The following PPRC1 variants were observed in gnomAD, a reference collection of about 807,000 sequenced individuals.
PPRC1 encodes PPARG related coactivator 1, also known as peroxisome proliferator-activated receptor gamma coactivator-related protein 1.
Under a neutral mutation model 132.5 loss-of-function variants are expected in PPRC1, and 23 were observed. The ratio of observed to expected loss-of-function variants is 0.17; its 90% CI spans 0.12 to 0.25. PPRC1 has a LOEUF of 0.25. PPRC1 is among the 10% of genes least tolerant of loss of function. The probability of loss-of-function intolerance (pLI) is 1.00; values close to 1 mark genes in which losing one functional copy is unlikely to be tolerated. For missense variants in PPRC1, 2,006 were observed against 2,089.1 expected, an observed-to-expected ratio of 0.96 and a Z score of 0.78; for synonymous variants, 872 against 833.5, an observed-to-expected ratio of 1.05 and a Z score of -0.80.
Position 102,140,970 on chromosome 10 carries a change from C to G in PPRC1, c.2462C>G (p.Pro821Arg), listed in dbSNP as rs907881396. 3.3e-5 allele frequency: 54 copies of G among 1,614,052 alleles called. No homozygotes were observed. Among genetic ancestry groups the G allele is most frequent in the Non-Finnish European group, 4.4e-5 (52 of 1,180,016 alleles). Residue 821 changes from proline (P) to arginine (R), a missense_variant, in exon 5 of 14, where the codon CCT becomes CGT. Physicochemically the swap from Pro to Arg is moderately radical, Grantham distance 103 (BLOSUM62 -2). Coordinates refer to ENST00000278070, the MANE Select transcript of PPRC1 (RefSeq NM_015062.5). ...ACACCCCTTGAGATTTGCCTTGTGC[C>G]TGTAGGTCCCAGCCCTGCTTCTCCT... ...PETPLEICLV[P>R]VGPSPASPSP... is the part of the protein sequence containing the mutation.
At position 102,140,691 on chromosome 10, in the gene PPRC1, A is replaced by T. The variant is rs2068929824; in HGVS notation, c.2183A>T (p.Glu728Val). 1 of 1,613,990 alleles carries T rather than the reference A, an allele frequency of 6.2e-7. No individual in the cohort carries two copies. Among genetic ancestry groups the T allele is most frequent in the Non-Finnish European group, 8.5e-7 (1 of 1,180,030 alleles). The change falls in exon 5 of 14, where the codon GAG (glutamate) becomes GTG (valine). Residue 728 changes from glutamate to valine, a missense_variant. Glu to Val is a moderately radical substitution (Grantham distance 121). This residue lies in a region of PPRC1 where 1,914 missense variants were observed against 1,917.2 expected (regional missense o/e 1.00). Coordinates refer to ENST00000278070, the MANE Select transcript of PPRC1 (RefSeq NM_015062.5). Reference sequence around the variant, plus strand: ...AAGACCATCATCCCTGAAGTCAAAGAGGTTGTGGATTCTCTGAAAATTGAA... The same window carrying T: ...AAGACCATCATCCCTGAAGTCAAAGTGGTTGTGGATTCTCTGAAAATTGAA... ...PPKTIIPEVK[E>V]VVDSLKIESG...
Position 102,148,420 on chromosome 10 carries a change from T to TTCGTCATCATCTTCCTCTTCG in PPRC1, c.4452_4472dup (p.Ser1493_Ser1499dup). On this transcript the variant is annotated inframe_insertion, in exon 10 of 14. Coordinates refer to ENST00000278070, the MANE Select transcript of PPRC1 (RefSeq NM_015062.5). This position sits in a 1 kb window ranked among gnomAD's most constrained non-coding sequence, Gnocchi z 4.2. ...GTTCTCGAAGATGCTCTTCCTCTTC[T>TTCGTCATCATCTTCCTCTTCG]TCGTCATCATCTTCCTCTTCGTCTT... 1 of 1,612,452 alleles carries TTCGTCATCATCTTCCTCTTCG rather than the reference T, an allele frequency of 6.2e-7. No homozygotes were observed.
At chr10:102,130,753 CAAAA>C (rs992605453), upstream of PPRC1, among the ~76,000 whole-genome samples, 29 of 151,680 alleles carry the variant, frequency 1.9e-4, no homozygotes, top group African/African-American at 7.0e-4. Flanking sequence ...AAAAACAAAA[CAAAA>C]GAAACAACTA....
the PPRC1 span, chr10:102,120,359 C>CGGAGTGTGTGTCCGT: frequency 1.0e-6 from 1 of 984,384 alleles, no homozygotes. Flanking sequence ...TGTGAGTCCG[C>CGGAGTGTGTGTCCGT]GGAGTGTGTG....
chr10:102,143,004 A>G (rs765338672), intron 5 of PPRC1, 41 bp from the exon 6 acceptor site: 18 of 1,570,142 alleles, frequency 1.1e-5, no homozygotes, highest in Non-Finnish European at 1.6e-5. Context: ...TACTAAGTTG[A>G]TAGGGGCTCG....
At chr10:102,121,781 G>A in the PPRC1 span, among the ~76,000 whole-genome samples, 2 of 152,170 alleles carry the variant, frequency 1.3e-5, no homozygotes, top group African/African-American at 4.8e-5. Context: ...CTGGGTAGGG[G>A]GTTCTCCTCT....
chr10:102,141,319 G>C lies in PPRC1; in HGVS notation c.2811G>C (p.Leu937=), dbSNP rs944506469. ...PHVSPSGYPC[L]PPPPTVPLVS... Reference sequence around the variant, plus strand: ...TGTCCCCTTCTGGCTATCCTTGCCTGCCCCCCCCACCAACGGTGCCCCTAG... The same window carrying C: ...TGTCCCCTTCTGGCTATCCTTGCCTCCCCCCCCCACCAACGGTGCCCCTAG... The change falls in exon 5 of 14, where the codon CTG becomes CTC. Residue 937 remains leucine, a synonymous_variant. Coordinates refer to ENST00000278070, the MANE Select transcript of PPRC1 (RefSeq NM_015062.5). 5.0e-6 allele frequency: 8 copies of C among 1,612,426 alleles called. No homozygotes were observed. Among genetic ancestry groups the C allele is most frequent in the Non-Finnish European group, 5.1e-6 (6 of 1,179,172 alleles).
chr10:102,145,495 C>T (rs2069183292), intron 8 of PPRC1, among the ~76,000 whole-genome samples: 1 of 150,772 alleles, frequency 6.6e-6, no homozygotes, highest in South Asian at 2.1e-4. Flanking sequence ...TGCTAAAATC[C>T]AGGAGGTGGA....
At chr10:102,124,514 C>T in the PPRC1 span, among the ~76,000 whole-genome samples, 24 of 151,814 alleles carry the variant, frequency 1.6e-4, no homozygotes, top group Non-Finnish European at 3.2e-4. Flanking sequence ...CAGGCGCGCA[C>T]CACCACACTT....
At chr10:102,136,003 G>T (rs1009701667) in intron 1 of PPRC1, among the ~76,000 whole-genome samples, 6 of 152,188 alleles carry the variant, frequency 3.9e-5, no homozygotes, top group African/African-American at 1.4e-4. Context: ...TGGAGGTGAA[G>T]ATGAGTGGTT....
rs923720598 is a variant in PPRC1, at chr10:102,140,389, T to A, written c.1881T>A (p.Ala627=). The change falls in exon 5 of 14, where the codon GCT becomes GCA. Residue 627 remains alanine (A), a synonymous_variant. Transcript: ENST00000278070. The part of the protein sequence containing the change: ...TSSELVEPLP[A]EPVLINPVLA... ...CAGAACTGGTTGAGCCTCTCCCGGC[T>A]GAGCCAGTGCTGATCAACCCAGTCC... is the stretch of plus-strand genomic sequence containing the variant. The A allele has an allele frequency of 6.2e-7, 1 of 1,614,110 alleles. No individual in the cohort carries two copies. The highest frequency in any genetic ancestry group is 8.5e-7 in the Non-Finnish European group (1 of 1,180,046).
Position 102,141,362 on chromosome 10 carries a change from G to C in PPRC1, c.2854G>C (p.Ala952Pro). ...GCCCCTAGTGTCTGGTACTCCTGGTGCCTATGCCGTGCCTCCCACTTGCAG... is the reference window on the plus strand; with the variant it reads ...GCCCCTAGTGTCTGGTACTCCTGGTCCCTATGCCGTGCCTCCCACTTGCAG... Reference protein sequence around the residue: ...TVPLVSGTPGAYAVPPTCSVP... With the variant: ...TVPLVSGTPGPYAVPPTCSVP... The change falls in exon 5 of 14, where the codon GCC becomes CCC. Residue 952 changes from alanine to proline, a missense_variant. Ala to Pro is a conservative substitution (Grantham distance 27, BLOSUM62 -1). Coordinates refer to ENST00000278070, the MANE Select transcript of PPRC1 (RefSeq NM_015062.5). 6.2e-7 allele frequency: 1 copy of C among 1,613,994 alleles called. No individual in the cohort carries two copies. The highest frequency in any genetic ancestry group is 8.5e-7 in the Non-Finnish European group (1 of 1,180,000).
chr10:102,137,397 G>GGT (rs2068766283), intron 1 of PPRC1, among the ~76,000 whole-genome samples: 1 of 152,090 alleles, frequency 6.6e-6, no homozygotes, highest in African/African-American at 2.4e-5. Flanking sequence ...GGGAAGCTGG[G>GGT]GTGTCTTCTT....
rs769795134 is a variant in PPRC1 at position 102,148,648 on chromosome 10, A to C, written c.4571A>C (p.His1524Pro). The C allele has an allele frequency of 6.2e-7, 1 of 1,614,160 alleles. No individual in the cohort carries two copies. The highest frequency in any genetic ancestry group is 8.5e-7 in the Non-Finnish European group (1 of 1,180,032). The stretch of plus-strand genomic sequence containing the variant: ...GTCAGGTACAGCTCTTATCGTTCAC[A>C]TGACCATTACCAAAGGCAAAGAGTG... ...RRRRYSSYRS[H>P]DHYQRQRVLQ... is the part of the protein sequence containing the mutation. Residue 1524 changes from histidine to proline, a missense_variant, in exon 11 of 14, where the codon CAT (histidine) becomes CCT (proline). Coordinates refer to ENST00000278070, the MANE Select transcript of PPRC1 (RefSeq NM_015062.5). The surrounding 1 kb of genome is among the most constrained non-coding windows in gnomAD (Gnocchi z 4.2).
intron 1 of PPRC1, among the ~76,000 whole-genome samples, chr10:102,134,786 G>GGT (rs924793167): frequency 6.6e-6 from 1 of 151,288 alleles, no homozygotes; most frequent in African/African-American, 2.4e-5. Flanking sequence ...ACCTCCATCA[G>GGT]GTGTCCAGTC....
At chr10:102,127,019 T>TTTTATATATATA in the PPRC1 span, among the ~76,000 whole-genome samples, 92 of 78,868 alleles carry the variant, frequency 1.2e-3, 5 homozygotes, top group African/African-American at 3.0e-3. Context: ...TGGTTTTTTA[T>TTTTATATATATA]CATATATATA....
chr10:102,139,711 T>C lies in PPRC1; in HGVS notation c.1203T>C (p.Ala401=). ...CACTGGAGTCAGAGACAGAGGCTGC[T>C]GTGCCCAAGGTAACCCTCTGCTCTG... ...MPTLESETEA[A]VPKVTLCSEK... The change falls in exon 5 of 14, where the codon GCT becomes GCC. Residue 401 remains alanine (A), a synonymous_variant. Coordinates refer to ENST00000278070, the MANE Select transcript of PPRC1 (RefSeq NM_015062.5). 1 of 1,614,124 alleles carries C rather than the reference T, an allele frequency of 6.2e-7. No individual in the cohort carries two copies. The highest frequency in any genetic ancestry group is 8.5e-7 in the Non-Finnish European group (1 of 1,180,052).
upstream of PPRC1, chr10:102,132,993 TG>T: frequency 8.1e-7 from 1 of 1,233,504 alleles, no homozygotes. Context: ...ATTCGGGAGT[TG>T]TAGTTCCTTT....
chr10:102,130,683 C>T (rs904311127), upstream of PPRC1, among the ~76,000 whole-genome samples: 1 of 151,908 alleles, frequency 6.6e-6, no homozygotes, highest in Non-Finnish European at 1.5e-5. Flanking sequence ...TGCGGTGAGC[C>T]GAGATTGCGC....
Sources: gnomAD v4.1 joint callset for allele counts (sites outside exome capture counted in the v4.1 genomes callset) on GRCh38, gnomAD v4.1.1 for gene constraint, gnomAD v4.1.1 regional missense constraint, Gnocchi (gnomAD v3.1) non-coding constraint, MANE v1.5 for transcripts, NCBI Gene and HGNC (gene_info 2026-07-23, HGNC 2026-07-21) for gene names.